WDR18: variants seen among roughly 807,000 people sequenced by gnomAD.
WDR18 encodes the protein WD repeat-containing protein 18.
WDR18 carries 33 observed loss-of-function variants against 49.6 expected under a neutral mutation model. That is an observed-to-expected ratio of 0.67 (90% CI 0.50 to 0.89). The LOEUF (loss-of-function observed/expected upper bound fraction) is 0.89, where lower values mean the gene tolerates loss of function less well. Among genes scored for constraint, WDR18 ranks in the 40% least tolerant of loss-of-function variants. The pLI is 0.00. For missense variants in WDR18, 653 were observed against 593.6 expected (o/e 1.10, Z -1.04); for synonymous variants, 315 against 263.6 (o/e 1.19, Z -1.89).
chr19:994,386 A>T lies in WDR18; in HGVS notation c.*42A>T. 1 of 1,571,612 alleles carries T rather than the reference A, an allele frequency of 6.4e-7. No individual in the cohort carries two copies. Among genetic ancestry groups the T allele is most frequent in the Non-Finnish European group, 8.6e-7 (1 of 1,161,192 alleles). On this transcript the variant is annotated 3_prime_UTR_variant, in exon 10 of 10. Transcript: ENST00000585809. ...CCCGAGGCGCCCAGGCCTGAGCCCC[A>T]TGCCTCCCAGCAACCAGGGCCCGCG...
chr19:992,828 C>T (rs551490258), intron 8 of WDR18, among the ~76,000 whole-genome samples: 7 of 152,352 alleles, frequency 4.6e-5, no homozygotes, highest in African/African-American at 7.2e-5. Context: ...GAGCTGCCTG[C>T]GTCCTTGGTG....
At position 990,737 on chromosome 19, in the gene WDR18, G is replaced by A. The variant is rs878933931; in HGVS notation, c.598-115G>A. ...ATGGTGACGGCTTTCACCCAAAGTC[G>A]CAAGCCCTAGGGCCAGAGGACAGCC... On this transcript the variant is annotated intron_variant, in intron 4 of 9. Coordinates refer to ENST00000585809, the MANE Select transcript of WDR18 (RefSeq NM_024100.4). The A allele has an allele frequency of 4.2e-5, 60 of 1,431,940 alleles. No individual in the cohort carries two copies. The Admixed American group carries it at 1.4e-3, about 33-fold the overall frequency. 88.7% of individuals were successfully genotyped at this position (1,431,940 alleles called of 1,614,324 possible).
At chr19:991,489 G>T (rs2038548418) in intron 7 of WDR18, 138 bp downstream of exon 7, 4 of 872,274 alleles carry the variant, frequency 4.6e-6, no homozygotes, top group Non-Finnish European at 4.7e-6. Context: ...TGGCTGTGGG[G>T]CGGGGCCTGG....
intron 8 of WDR18, among the ~76,000 whole-genome samples, chr19:993,329 C>G (rs1768617524): frequency 6.6e-6 from 1 of 152,262 alleles, no homozygotes; most frequent in African/African-American, 2.4e-5. Flanking sequence ...TCCCTAGAAC[C>G]CCACCTAGTT....
intron 2 of WDR18, among the ~76,000 whole-genome samples, chr19:989,318 G>C (rs1018447760): frequency 6.6e-6 from 1 of 151,736 alleles, no homozygotes; most frequent in African/African-American, 2.4e-5. Context: ...CTTCCTGCCG[G>C]AGCTTAAGCT....
chr19:989,201 C>G (rs1389118382), intron 2 of WDR18, among the ~76,000 whole-genome samples: 5 of 144,870 alleles, frequency 3.5e-5, no homozygotes, highest in East Asian at 2.1e-4. Flanking sequence ...CAACCCCCCC[C>G]AGAGCATCTC....
rs764653957 is a variant in WDR18, at chr19:989,746, C to T, written c.322-16C>T. 1.7e-5 allele frequency: 28 copies of T among 1,612,234 alleles called. 1 individual carries two copies. Among genetic ancestry groups the T allele is most frequent in the Middle Eastern group, 3.3e-4 (2 of 6,080 alleles). On this transcript the variant is annotated splice_polypyrimidine_tract_variant and intron_variant, in intron 2 of 9. Transcript: ENST00000585809. ...GGCTTTCCTCCCCTGACCTGGATAC[C>T]CTCTGCCCCTCACAGGTCTCCACCG...
intron 7 of WDR18, among the ~76,000 whole-genome samples, chr19:991,690 GT>G (rs1340164540): frequency 1.3e-5 from 1 of 77,358 alleles, no homozygotes; most frequent in Non-Finnish European, 2.7e-5. Context: ...TGGACTGACT[GT>G]GGGGCGGGGC....
rs1161801414 is a variant in WDR18 at position 991,212 on chromosome 19, T to C, written c.807-15T>C. 6.4e-7 allele frequency: 1 copy of C among 1,561,428 alleles called. No homozygotes were observed. Among genetic ancestry groups the C allele is most frequent in the East Asian group, 2.4e-5 (1 of 42,104 alleles). On this transcript the variant is annotated splice_polypyrimidine_tract_variant and intron_variant, in intron 6 of 9. Coordinates refer to ENST00000585809, the MANE Select transcript of WDR18 (RefSeq NM_024100.4). ...TGTCTGGCACGTCCCAGGTGACCCC[T>C]GTCTGTCTGTCCAGGAACCAGGTGA...
At chr19:989,510 C>T (rs2038516595) in intron 2 of WDR18, among the ~76,000 whole-genome samples, 1 of 152,192 alleles carries the variant, frequency 6.6e-6, no homozygotes, top group Non-Finnish European at 1.5e-5. Context: ...AAACTTGCCC[C>T]TTCCTGGGCC....
At chr19:990,823 C>T (rs370684269) in intron 4 of WDR18, 29 bp from the exon 5 acceptor site, 256 of 1,569,266 alleles carry the variant, frequency 1.6e-4, no homozygotes, top group Non-Finnish European at 2.1e-4. Context: ...CCTGCCGGGC[C>T]GAGCCCCACG....
Position 987,829 on chromosome 19 carries a change from G to GTTTTTTTTTTTTTTTTT in WDR18, c.321+1861_321+1877dup, listed in dbSNP as rs71174337. On this transcript the variant is annotated intron_variant, in intron 2 of 9. Coordinates refer to ENST00000585809, the MANE Select transcript of WDR18 (RefSeq NM_024100.4). ...ACCCCTGCTCCCCTAGCCGCCTCCA[G>GTTTTTTTTTTTTTTTTT]TTTTTTTTTTTTTTTTTTTTTTTCA... Among the ~76,000 whole-genome samples, 93 of 91,796 alleles carry GTTTTTTTTTTTTTTTTT rather than the reference G, an allele frequency of 1.0e-3. 14 individuals carry two copies. Among genetic ancestry groups the GTTTTTTTTTTTTTTTTT allele is most frequent in the East Asian group, 3.7e-3 (10 of 2,730 alleles). 60.2% of individuals were successfully genotyped at this position (91,796 alleles called of 152,430 possible).
In WDR18 at chr19:994,050, G is replaced by T; in HGVS notation, c.1129G>T (p.Glu377Ter). 6.4e-7 allele frequency: 1 copy of T among 1,561,198 alleles called. No individual in the cohort carries two copies. ...GSEPSYLDRT[E>*]QLQAVLCSTM... is the part of the protein sequence containing the mutation. Reference sequence around the variant, plus strand: ...GGAGCCCAGCTACCTGGACCGCACGGAGCAGCTGCAGGCCGTCCTGTGCAG... The same window carrying T: ...GGAGCCCAGCTACCTGGACCGCACGTAGCAGCTGCAGGCCGTCCTGTGCAG... Residue 377 changes from glutamate (E) to a stop codon, truncating the protein, a stop_gained, in exon 9 of 10, where the codon GAG (glutamate) becomes TAG (stop). Transcript: ENST00000585809. LOFTEE classifies it high-confidence loss of function.
At chr19:991,710 GAC>G (rs1237577742) in intron 7 of WDR18, among the ~76,000 whole-genome samples, 11 of 970 alleles carry the variant, frequency 0.011, no homozygotes, top group Non-Finnish European at 0.02. Flanking sequence ...GCCTGGCTGG[GAC>G]GGGGCGGGGC....
upstream of WDR18, among the ~76,000 whole-genome samples, chr19:983,347 G>C (rs1472577562): frequency 6.6e-6 from 1 of 152,052 alleles, no homozygotes; most frequent in African/African-American, 2.4e-5. Context: ...CCAGGCTGGA[G>C]TGCCTGGGAT....
chr19:989,656 G>A lies in WDR18; in HGVS notation c.322-106G>A, dbSNP rs1041398149. The A allele has an allele frequency of 1.1e-5, 16 of 1,493,760 alleles. No individual in the cohort carries two copies. In the African/African-American group the frequency reaches 1.4e-4, roughly 13 times the overall value. 92.5% of individuals were successfully genotyped at this position (1,493,760 alleles called of 1,614,324 possible). ...TCCTGGGGCAGGGCAGGCAGGGGGCGACAGTGTGGCCATGGCCGTGCAGTG... is the reference window on the plus strand; with the variant it reads ...TCCTGGGGCAGGGCAGGCAGGGGGCAACAGTGTGGCCATGGCCGTGCAGTG... On this transcript the variant is annotated intron_variant, in intron 2 of 9. Transcript: ENST00000585809.
rs957937242 is a variant in WDR18 at position 991,916 on chromosome 19, G to C, written c.932-39G>C. 2.7e-6 allele frequency: 4 copies of C among 1,479,292 alleles called. No individual in the cohort carries two copies. In the African/African-American group the frequency reaches 4.4e-5, roughly 16 times the overall value. 91.6% of individuals were successfully genotyped at this position (1,479,292 alleles called of 1,614,324 possible). A position where few individuals can be genotyped will look rare whatever the true frequency, so the allele number is the denominator to read the frequency against. On this transcript the variant is annotated intron_variant, in intron 7 of 9. Coordinates refer to ENST00000585809, the MANE Select transcript of WDR18 (RefSeq NM_024100.4). Reference sequence around the variant, plus strand: ...CTTGGCTTGCTGTGGGGTGGGGCCTGGCTGGGATGGGGCGGGGCCTGACCT... The same window carrying C: ...CTTGGCTTGCTGTGGGGTGGGGCCTCGCTGGGATGGGGCGGGGCCTGACCT...
Position 992,064 on chromosome 19 carries a change from G to A in WDR18, c.1041G>A (p.Glu347=). ...PHFNKHLLGA[E]HGDEPRHGGL... is the part of the protein sequence containing the mutation. ...TCAACAAGCACCTGCTGGGCGCCGA[G>A]CACGGGGACGAGCCGCGCCACGGGG... is the stretch of plus-strand genomic sequence containing the variant. Residue 347 remains glutamate, a synonymous_variant, in exon 8 of 10, where the codon GAG becomes GAA. Transcript: ENST00000585809. 1 of 1,566,718 alleles carries A rather than the reference G, an allele frequency of 6.4e-7. No individual in the cohort carries two copies. Among genetic ancestry groups the A allele is most frequent in the Non-Finnish European group, 8.6e-7 (1 of 1,161,688 alleles).
rs2038520234 is a variant in WDR18 at position 989,812 on chromosome 19, C to T, written c.372C>T (p.Val124=). The change falls in exon 3 of 10, where the codon GTC becomes GTT. Residue 124 remains valine (V), a synonymous_variant. Coordinates refer to ENST00000585809, the MANE Select transcript of WDR18 (RefSeq NM_024100.4). ...LVILSRHYQD[V]SCLQFTGDSS... is the part of the protein sequence containing the mutation. ...TCCTGAGTCGACACTACCAGGACGT[C>T]TCCTGCCTTCAGTTCACAGGGGACA... is the stretch of plus-strand genomic sequence containing the variant. 6.2e-7 allele frequency: 1 copy of T among 1,612,784 alleles called. No homozygotes were observed. The highest frequency in any genetic ancestry group is 8.5e-7 in the Non-Finnish European group (1 of 1,179,898).
Sources: allele counts gnomAD v4.1 joint callset (sites outside exome capture counted in the v4.1 genomes callset), GRCh38; gene constraint gnomAD v4.1.1; transcripts MANE v1.5; gene names NCBI Gene and HGNC (gene_info 2026-07-23, HGNC 2026-07-21).